DAB1: variants seen among roughly 807,000 people sequenced by gnomAD.
The protein encoded by DAB1 is disabled homolog 1.
DAB1 carries 15 observed loss-of-function variants against 64.6 expected under a neutral mutation model. The ratio of observed to expected loss-of-function variants is 0.23; its 90% confidence interval spans 0.16 to 0.36. The LOEUF (loss-of-function observed/expected upper bound fraction) is 0.36, where lower values mean the gene tolerates loss of function less well. DAB1 is among the 10% of genes least tolerant of loss of function. The pLI is 1.00. For synonymous variants in DAB1, 235 were observed against 251.9 expected (o/e 0.93, Z 0.64); for missense variants, 596 against 706.7 (o/e 0.84, Z 1.78).
At position 57,733,240 on chromosome 1, in the gene DAB1, C is replaced by T. The variant is rs571926303; in HGVS notation, n.552-83575G>A. 7.9e-5 allele frequency among the ~76,000 whole-genome samples: 12 copies of T among 151,968 alleles called. No homozygotes were observed. The South Asian group carries it at 2.3e-3, about 29-fold the overall frequency. On this transcript the variant is annotated intron_variant and non_coding_transcript_variant, in intron 6 of 20. Transcript: ENST00000485760. Reference sequence around the variant, plus strand: ...CCCGCACCTGATAGCCATTACTCTGCTGAATTTCAAAACTTTTTCAACAGT... The same window carrying T: ...CCCGCACCTGATAGCCATTACTCTGTTGAATTTCAAAACTTTTTCAACAGT...
chr1:57,576,945 C>T (rs1371183689), intron 7 of DAB1, among the ~76,000 whole-genome samples: 1 of 152,162 alleles, frequency 6.6e-6, no homozygotes, highest in Non-Finnish European at 1.5e-5. Flanking sequence ...TGGCTGCTTC[C>T]CAGCTCACCT....
At chr1:57,567,963 G>A (rs536777615) in intron 7 of DAB1, among the ~76,000 whole-genome samples, 3 of 152,268 alleles carry the variant, frequency 2.0e-5, no homozygotes, top group African/African-American at 7.2e-5. Context: ...AGCCCGCATT[G>A]CCAAGACAAT....
At chr1:57,490,484 T>C (rs1167623404) in intron 7 of DAB1, among the ~76,000 whole-genome samples, 2 of 152,298 alleles carry the variant, frequency 1.3e-5, no homozygotes, top group Admixed American at 6.5e-5. Flanking sequence ...TAGGATTGCC[T>C]AGGCTGCTTT....
chr1:58,061,415 C>G (rs1648495709), intron 5 of DAB1, among the ~76,000 whole-genome samples: 1 of 152,190 alleles, frequency 6.6e-6, no homozygotes, highest in Admixed American at 6.5e-5. Flanking sequence ...GGCTTCTCCT[C>G]TAGCTTCTTA....
At chr1:58,380,797 G>A (rs2100546915) in intron 3 of DAB1, among the ~76,000 whole-genome samples, 1 of 152,314 alleles carries the variant, frequency 6.6e-6, no homozygotes, top group Non-Finnish European at 1.5e-5. Flanking sequence ...TGATGGGCAT[G>A]GAGTAAATTA....
At chr1:58,048,696 C>T (rs1016169583) in intron 5 of DAB1, 1 of 1,330,456 alleles carries the variant, frequency 7.5e-7, no homozygotes, top group African/African-American at 1.4e-5. Context: ...CCAAAGTTTC[C>T]AGAACCACTT....
intron 14 of DAB1, among the ~76,000 whole-genome samples, chr1:57,009,322 G>A (rs375410100): frequency 2.0e-5 from 3 of 152,128 alleles, no homozygotes; most frequent in African/African-American, 2.4e-5. Flanking sequence ...ATCAACTCCC[G>A]AAGTAGCTTT....
chr1:57,418,709 C>T (rs1278664747), intron 1 of DAB1, among the ~76,000 whole-genome samples: 1 of 151,968 alleles, frequency 6.6e-6, no homozygotes, highest in Non-Finnish European at 1.5e-5. Context: ...ATGAGACTCC[C>T]CCACTGGCAT....
intron 4 of DAB1, among the ~76,000 whole-genome samples, chr1:58,251,583 G>A (rs1660798766): frequency 6.6e-6 from 1 of 152,154 alleles, no homozygotes; most frequent in South Asian, 2.1e-4. Flanking sequence ...CCCTGAAGAA[G>A]GAACAGGTTG....
intron 1 of DAB1, among the ~76,000 whole-genome samples, chr1:57,828,574 A>G (rs1652456349): frequency 6.6e-6 from 1 of 152,234 alleles, no homozygotes; most frequent in South Asian, 2.1e-4. Flanking sequence ...GAAAAAAATG[A>G]GACAAGAAAA....
chr1:58,274,187 C>T (rs1280980179), intron 4 of DAB1, among the ~76,000 whole-genome samples: 10 of 143,766 alleles, frequency 7.0e-5, no homozygotes, highest in East Asian at 4.3e-4. Context: ...GATGGGTTTT[C>T]GGTGTGGATG....
At chr1:57,111,637 C>T (rs983659293) in intron 4 of DAB1, among the ~76,000 whole-genome samples, 1 of 152,078 alleles carries the variant, frequency 6.6e-6, no homozygotes, top group Admixed American at 6.6e-5. Context: ...TTTTGCTATC[C>T]CTCCCAGTCA....
At chr1:57,635,939 C>CA (rs536469235) in intron 7 of DAB1, among the ~76,000 whole-genome samples, 2,322 of 151,802 alleles carry the variant, frequency 0.015, 57 homozygotes, top group African/African-American at 0.053. Context: ...ACTAAAAATA[C>CA]AACAAAAATT....
chr1:57,032,985 C>T (rs959991256), intron 9 of DAB1, among the ~76,000 whole-genome samples: 3 of 152,110 alleles, frequency 2.0e-5, no homozygotes, highest in Non-Finnish European at 4.4e-5. Flanking sequence ...CTAAGCTAGG[C>T]GAGGCTCTAC....
At position 56,996,771 on chromosome 1, in the gene DAB1, G is replaced by C. The variant is rs796627271; in HGVS notation, c.*1373C>G. The C allele has an allele frequency of 6.6e-6, 1 of 152,188 alleles. No individual in the cohort carries two copies. The highest frequency in any genetic ancestry group is 2.4e-5 in the African/African-American group (1 of 41,390). The allele number at this position is 152,188 out of a possible 1,614,324, so 9.4% of individuals were successfully genotyped here. A position where few individuals can be genotyped will look rare whatever the true frequency, so the allele number is the denominator to read the frequency against. On this transcript the variant is annotated 3_prime_UTR_variant, in exon 15 of 15. Coordinates refer to ENST00000371236, the MANE Select transcript of DAB1 (RefSeq NM_001365792.1). ...TACCATATGCTCCAGAATAACGTCT[G>C]GAAAGTGAGCCCCATCCATCAAGTT... is the stretch of plus-strand genomic sequence containing the variant.
At chr1:57,301,510 T>C (rs1215653535) in intron 1 of DAB1, among the ~76,000 whole-genome samples, 1 of 152,212 alleles carries the variant, frequency 6.6e-6, no homozygotes, top group African/African-American at 2.4e-5. Flanking sequence ...TAACACGAAC[T>C]ATTGCTATTC....
intron 4 of DAB1, among the ~76,000 whole-genome samples, chr1:58,176,041 A>G (rs1052581940): frequency 1.2e-4 from 19 of 152,254 alleles, no homozygotes; most frequent in Non-Finnish European, 1.6e-4. Context: ...AAAGCATTCT[A>G]TAAGAGCTGG....
intron 6 of DAB1, among the ~76,000 whole-genome samples, chr1:57,676,646 T>C (rs1646570523): frequency 6.6e-6 from 1 of 152,174 alleles, no homozygotes; most frequent in Admixed American, 6.5e-5. Flanking sequence ...CAGCTTGGCA[T>C]CCTTGACTGT....
chr1:57,965,178 A>G (rs1438053963), intron 5 of DAB1, among the ~76,000 whole-genome samples: 1 of 150,564 alleles, frequency 6.6e-6, no homozygotes, highest in African/African-American at 2.4e-5. Flanking sequence ...CTAGAAAGAC[A>G]AAGTCAGATC....
Sources: gnomAD v4.1 joint callset for allele counts (sites outside exome capture counted in the v4.1 genomes callset) on GRCh38, gnomAD v4.1.1 for gene constraint, MANE v1.5 for transcripts, NCBI Gene and HGNC (gene_info 2026-07-23, HGNC 2026-07-21) for gene names.